Variants in PTH1R observed in about 807,000 individuals in gnomAD.
PTH1R encodes the protein parathyroid hormone 1 receptor, also known as parathyroid hormone/parathyroid hormone-related peptide receptor.
In PTH1R, 32 loss-of-function variants were observed where a neutral mutation model predicts 70.7. That is an observed-to-expected ratio of 0.45 (90% CI 0.34 to 0.61). The LOEUF is 0.61. Ranked by LOEUF, PTH1R falls within the 20% of genes least tolerant of loss-of-function variation. The probability of loss-of-function intolerance (pLI) is 0.01; values close to 1 mark genes in which losing one functional copy is unlikely to be tolerated. For synonymous variants in PTH1R, 329 were observed against 324.8 expected (o/e 1.01, Z -0.14); for missense variants, 626 against 792.5 (o/e 0.79, Z 2.52).
In PTH1R at chr3:46,893,481, G is replaced by T. The variant is rs1201974808; in HGVS notation, c.76-426G>T. ...CAGGACTTGAAGGACTCCAGGCTGG[G>T]TTTGTCTCCCCACAGTTCACCACTC... is the stretch of plus-strand genomic sequence containing the variant. On this transcript the variant is annotated intron_variant, in intron 3 of 15. Transcript: ENST00000449590. The surrounding 1 kb of genome is among the most constrained non-coding windows in gnomAD (Gnocchi z 5.2). 6.6e-6 allele frequency among the ~76,000 whole-genome samples: 1 copy of T among 152,108 alleles called. No homozygotes were observed. The highest frequency in any genetic ancestry group is 1.9e-4 in the East Asian group (1 of 5,182).
At chr3:46,899,601 AT>A in intron 10 of PTH1R, 145 bp downstream of exon 10, 1 of 1,104,426 alleles carries the variant, frequency 9.1e-7, no homozygotes, top group South Asian at 1.6e-5. Context: ...CCCTTCTGTG[AT>A]CCTGACCCTA....
chr3:46,899,450 G>A lies in PTH1R; in HGVS notation c.982G>A (p.Gly328Ser), dbSNP rs764335416. The change falls in exon 10 of 16, where the codon GGC becomes AGC. Residue 328 changes from glycine (G) to serine (S), a missense_variant. By Grantham distance (56) the Gly-to-Ser change is moderately conservative (BLOSUM62 0). Transcript: ENST00000449590. ...GTACCTGTGGGGCTTCACAGTCTTCGGCTGGGGTACGCGGGCACAGCGGGT... is the reference window on the plus strand; with the variant it reads ...GTACCTGTGGGGCTTCACAGTCTTCAGCTGGGGTACGCGGGCACAGCGGGT... ...KKYLWGFTVF[G>S]WGLPAVFVAV... 6.2e-6 allele frequency: 10 copies of A among 1,611,778 alleles called. No individual in the cohort carries two copies. Among genetic ancestry groups the A allele is most frequent in the African/African-American group, 2.7e-5 (2 of 75,012 alleles).
Position 46,902,415 on chromosome 3 carries a change from C to A in PTH1R, c.1212-111C>A. The A allele has an allele frequency of 7.0e-7, 1 of 1,436,174 alleles. No homozygotes were observed. Among genetic ancestry groups the A allele is most frequent in the Non-Finnish European group, 9.6e-7 (1 of 1,046,438 alleles). The allele number at this position is 1,436,174 out of a possible 1,614,324, so 89.0% of individuals were successfully genotyped here. On this transcript the variant is annotated intron_variant, in intron 13 of 15. Transcript: ENST00000449590. This position sits in a 1 kb window ranked among gnomAD's most constrained non-coding sequence, Gnocchi z 5.4. ...GGTTGTCCTCCCATGGTGACTGGAG[C>A]CCTGGGCCCCTTTGAGCTTCCGGAG... is the stretch of plus-strand genomic sequence containing the variant.
intron 3 of PTH1R, among the ~76,000 whole-genome samples, chr3:46,887,751 A>T (rs983771336): frequency 2.6e-5 from 4 of 152,156 alleles, no homozygotes; most frequent in Non-Finnish European, 5.9e-5. Context: ...TGTCTTAGAG[A>T]TCTTCATTTC....
chr3:46,881,233 C>T (rs1254899265), intron 2 of PTH1R, 115 bp downstream of exon 2: 1 of 152,372 alleles, frequency 6.6e-6, no homozygotes, highest in Non-Finnish European at 1.5e-5. Context: ...CAGCCCCTCC[C>T]TCTGCCTCAG....
intron 3 of PTH1R, among the ~76,000 whole-genome samples, chr3:46,885,896 C>T (rs990739860): frequency 2.6e-5 from 4 of 152,150 alleles, no homozygotes; most frequent in Non-Finnish European, 4.4e-5. Flanking sequence ...ATCTCATGGC[C>T]GGTCACCAAA....
In PTH1R at chr3:46,903,688, G is replaced by A. The variant is rs769343253; in HGVS notation, c.*32G>A. ...GCTGGGGGCTGGACCTGCTGACATA[G>A]TGGATGGACAGATGGACCAAAAGAT... On this transcript the variant is annotated 3_prime_UTR_variant, in exon 16 of 16. Transcript: ENST00000449590. This position sits in a 1 kb window ranked among gnomAD's most constrained non-coding sequence, Gnocchi z 4.4. The A allele has an allele frequency of 1.0e-5, 16 of 1,602,938 alleles. No homozygotes were observed. Among genetic ancestry groups the A allele is most frequent in the African/African-American group, 4.0e-5 (3 of 74,924 alleles).
chr3:46,903,444 C>G lies in PTH1R; in HGVS notation c.1570C>G (p.Pro524Ala). 1 of 1,613,514 alleles carries G rather than the reference C, an allele frequency of 6.2e-7. No homozygotes were observed. Among genetic ancestry groups the G allele is most frequent in the Non-Finnish European group, 8.5e-7 (1 of 1,179,874 alleles). ...LGLPLSPRLL[P>A]TATTNGHPQL... The stretch of plus-strand genomic sequence containing the variant: ...CCTGCCCCTCAGCCCCCGCCTACTG[C>G]CCACTGCCACCACCAACGGCCACCC... Residue 524 changes from proline to alanine, a missense_variant, in exon 16 of 16, where the codon CCC becomes GCC. Physicochemically the swap from Pro to Ala is conservative, Grantham distance 27 (BLOSUM62 -1). Around this residue, in one of 3 missense-constraint regions of PTH1R, gnomAD observed 495 missense variants for 638.7 expected, o/e 0.77. Coordinates refer to ENST00000449590, the MANE Select transcript of PTH1R (RefSeq NM_000316.3). The surrounding 1 kb of genome is among the most constrained non-coding windows in gnomAD (Gnocchi z 4.4).
chr3:46,902,675 G>A lies in PTH1R; in HGVS notation c.1353+8G>A. The A allele has an allele frequency of 6.2e-7, 1 of 1,614,124 alleles. No homozygotes were observed. Among genetic ancestry groups the A allele is most frequent in the Non-Finnish European group, 8.5e-7 (1 of 1,180,026 alleles). ...CTCTTCAACTCCTTCCAGGTGCGCA[G>A]TGCTGGCCCGGGCCTGGCTGAGGGT... On this transcript the variant is annotated splice_region_variant and intron_variant, in intron 14 of 15. Transcript: ENST00000449590. The surrounding 1 kb of genome is among the most constrained non-coding windows in gnomAD (Gnocchi z 5.4).
At chr3:46,878,587 T>A (rs1350043636) in intron 1 of PTH1R, among the ~76,000 whole-genome samples, 1 of 152,186 alleles carries the variant, frequency 6.6e-6, no homozygotes, top group East Asian at 1.9e-4. Flanking sequence ...TGTGAGCCAT[T>A]AGTCCCAGAG....
intron 3 of PTH1R, among the ~76,000 whole-genome samples, chr3:46,887,063 A>AC (rs1468643627): frequency 6.6e-6 from 1 of 151,750 alleles, no homozygotes; most frequent in Non-Finnish European, 1.5e-5. Flanking sequence ...ACATGGTGAA[A>AC]CCCCCATCTC....
In PTH1R at chr3:46,902,102, T is replaced by C. The variant is rs907788221; in HGVS notation, c.1211+242T>C. 1.9e-4 allele frequency among the ~76,000 whole-genome samples: 29 copies of C among 152,108 alleles called. No individual in the cohort carries two copies. Among genetic ancestry groups the C allele is most frequent in the African/African-American group, 5.8e-4 (24 of 41,432 alleles). ...CTGCACTAGAGCTGGAGTCTGTGAG[T>C]GTGCAACGAACTTGAACCTCTCCTC... is the stretch of plus-strand genomic sequence containing the variant. On this transcript the variant is annotated intron_variant, in intron 13 of 15. Coordinates refer to ENST00000449590, the MANE Select transcript of PTH1R (RefSeq NM_000316.3). This position sits in a 1 kb window ranked among gnomAD's most constrained non-coding sequence, Gnocchi z 5.4.
At chr3:46,888,503 CAGA>C (rs1345482205) in intron 3 of PTH1R, among the ~76,000 whole-genome samples, 2 of 152,200 alleles carry the variant, frequency 1.3e-5, no homozygotes, top group East Asian at 1.9e-4. Flanking sequence ...GCAGCTATTT[CAGA>C]AGGAGAGTCC....
intron 9 of PTH1R, 63 bp from the exon 10 acceptor site, chr3:46,899,240 A>G (rs1420211365): frequency 6.2e-7 from 1 of 1,607,754 alleles, no homozygotes; most frequent in Non-Finnish European, 8.5e-7. Flanking sequence ...CCAGCCCCCC[A>G]GCCCAGCCCT....
rs535912660 is a variant in PTH1R at position 46,883,870 on chromosome 3, T to C, written c.75+236T>C. ...CGTTTGGGGTCCCAAATCTGGCAAT[T>C]TGTGGTTGAGTTTTCACCATCCTCT... On this transcript the variant is annotated intron_variant, in intron 3 of 15. Transcript: ENST00000449590. This position sits in a 1 kb window ranked among gnomAD's most constrained non-coding sequence, Gnocchi z 6.4. Among the ~76,000 whole-genome samples, 23 of 152,290 alleles carry C rather than the reference T, an allele frequency of 1.5e-4. No homozygotes were observed. Among genetic ancestry groups the C allele is most frequent in the African/African-American group, 5.5e-4 (23 of 41,552 alleles).
chr3:46,893,883 G>A lies in PTH1R; in HGVS notation c.76-24G>A, dbSNP rs1248806161. 1.2e-6 allele frequency: 2 copies of A among 1,611,408 alleles called. No individual in the cohort carries two copies. Among genetic ancestry groups the A allele is most frequent in the Non-Finnish European group, 1.7e-6 (2 of 1,177,998 alleles). The stretch of plus-strand genomic sequence containing the variant: ...GCTGCTGCGCCGGAAAGTCCTGCCT[G>A]TGGTCTGACCTTCGGCTTGGCAGGT... On this transcript the variant is annotated intron_variant, in intron 3 of 15. Coordinates refer to ENST00000449590, the MANE Select transcript of PTH1R (RefSeq NM_000316.3). This position sits in a 1 kb window ranked among gnomAD's most constrained non-coding sequence, Gnocchi z 5.2.
rs2032094155 is a variant in PTH1R at position 46,901,195 on chromosome 3, C to T, written c.1049+110C>T. 2 of 1,375,912 alleles carry T rather than the reference C, an allele frequency of 1.5e-6. No homozygotes were observed. Among genetic ancestry groups the T allele is most frequent in the Non-Finnish European group, 2.0e-6 (2 of 990,886 alleles). 85.2% of individuals were successfully genotyped at this position (1,375,912 alleles called of 1,614,324 possible). A position where few individuals can be genotyped will look rare whatever the true frequency, so the allele number is the denominator to read the frequency against. On this transcript the variant is annotated intron_variant, in intron 11 of 15. Transcript: ENST00000449590. The surrounding 1 kb of genome is among the most constrained non-coding windows in gnomAD (Gnocchi z 7.3). ...ACCCTGGCCTCAAACGGCCCAGCCT[C>T]AGGAGTTCTCAGTCCAGCCTCAAGC...
rs1186499330 is a variant in PTH1R at position 46,884,483 on chromosome 3, C to G, written c.75+849C>G. Among the ~76,000 whole-genome samples, 2 of 152,190 alleles carry G rather than the reference C, an allele frequency of 1.3e-5. No individual in the cohort carries two copies. Among genetic ancestry groups the G allele is most frequent in the Non-Finnish European group, 2.9e-5 (2 of 68,010 alleles). On this transcript the variant is annotated intron_variant, in intron 3 of 15. Transcript: ENST00000449590. This position sits in a 1 kb window ranked among gnomAD's most constrained non-coding sequence, Gnocchi z 4.8. The stretch of plus-strand genomic sequence containing the variant: ...ACAGAGTGGGCAGCACCTCCTCCTC[C>G]TGGGCCAGGGTCTGGGGCCCACTTG...
chr3:46,883,147 A>C lies in PTH1R; in HGVS notation c.-48-365A>C, dbSNP rs1478195402. Reference sequence around the variant, plus strand: ...CAGCTCCCATTTCCCCAAAAGAAAAAAAAAGAAAGAAAGAAAGAAAGAAAG... The same window carrying C: ...CAGCTCCCATTTCCCCAAAAGAAAACAAAAGAAAGAAAGAAAGAAAGAAAG... On this transcript the variant is annotated intron_variant, in intron 2 of 15. Coordinates refer to ENST00000449590, the MANE Select transcript of PTH1R (RefSeq NM_000316.3). This position sits in a 1 kb window ranked among gnomAD's most constrained non-coding sequence, Gnocchi z 6.4. Among the ~76,000 whole-genome samples the C allele has an allele frequency of 1.1e-5, 1 of 89,140 alleles. No homozygotes were observed. Among genetic ancestry groups the C allele is most frequent in the Non-Finnish European group, 2.5e-5 (1 of 39,902 alleles). 58.5% of individuals were successfully genotyped at this position (89,140 alleles called of 152,430 possible).
Sources: gnomAD v4.1 joint callset for allele counts (sites outside exome capture counted in the v4.1 genomes callset) on GRCh38, gnomAD v4.1.1 for gene constraint, gnomAD v4.1.1 regional missense constraint, Gnocchi (gnomAD v3.1) non-coding constraint, MANE v1.5 for transcripts, NCBI Gene and HGNC (gene_info 2026-07-23, HGNC 2026-07-21) for gene names.